Variants in MED26 observed in about 807,000 individuals in gnomAD.
The protein encoded by MED26 is mediator of RNA polymerase II transcription subunit 26.
A neutral mutation model predicts 43.7 loss-of-function variants in MED26; 7 were observed. The ratio of observed to expected loss-of-function variants is 0.16; its 90% CI spans 0.09 to 0.30. The LOEUF is 0.30. MED26 is among the 10% of genes least tolerant of loss of function. MED26 has a pLI of 1.00. For synonymous variants in MED26, 375 were observed against 371.1 expected, an observed-to-expected ratio of 1.01 and a Z score of -0.12; for missense variants, 784 against 840.6, an observed-to-expected ratio of 0.93 and a Z score of 0.83.
intron 1 of MED26, among the ~76,000 whole-genome samples, chr19:16,596,224 T>A (rs1217922781): frequency 6.6e-6 from 1 of 151,994 alleles, no homozygotes; most frequent in East Asian, 1.9e-4. Flanking sequence ...AATGACCCCA[T>A]CACAAAAGGG....
intron 1 of MED26, among the ~76,000 whole-genome samples, chr19:16,605,456 C>T (rs562847251): frequency 3.6e-4 from 55 of 152,320 alleles, no homozygotes; most frequent in African/African-American, 1.3e-3. Context: ...GAATGAACAA[C>T]GCCCATGGAA....
rs374837845 is a variant in MED26, at chr19:16,614,402, G to A, written c.72+13470C>T. 5.1e-4 allele frequency among the ~76,000 whole-genome samples: 78 copies of A among 152,282 alleles called. 1 individual carries two copies. The highest frequency in any genetic ancestry group is 1.8e-3 in the African/African-American group (74 of 41,570). The stretch of plus-strand genomic sequence containing the variant: ...AAATTAGCTGGGTGTGGTAGCGTGT[G>A]TCTGTAGTCTTAGCTACTCAGAAGG... On this transcript the variant is annotated intron_variant, in intron 1 of 2. Transcript: ENST00000263390.
intron 1 of MED26, among the ~76,000 whole-genome samples, chr19:16,622,655 G>A (rs529593303): frequency 6.6e-6 from 1 of 152,294 alleles, no homozygotes; most frequent in East Asian, 1.9e-4. Context: ...TTTACTCACT[G>A]TGCCACAAAC....
At chr19:16,610,738 C>T (rs994945358) in intron 1 of MED26, 1 of 152,216 alleles carries the variant, frequency 6.6e-6, no homozygotes, top group Non-Finnish European at 1.5e-5. Context: ...CCCCTAGTCT[C>T]GCCTCCAAAT....
At position 16,575,090 on chromosome 19, in the gene MED26, C is replaced by G. The variant is rs1266784794; in HGVS notation, c.*937G>C. ...GCGTTTATGACAAATAACCATAAGGCAAACGAATCTAAAGGAATGGTTATG... is the reference window on the plus strand; with the variant it reads ...GCGTTTATGACAAATAACCATAAGGGAAACGAATCTAAAGGAATGGTTATG... On this transcript the variant is annotated 3_prime_UTR_variant, in exon 3 of 3. Coordinates refer to ENST00000263390, the MANE Select transcript of MED26 (RefSeq NM_004831.5). The G allele has an allele frequency of 6.6e-6, 1 of 152,556 alleles. No homozygotes were observed. The highest frequency in any genetic ancestry group is 2.4e-5 in the African/African-American group (1 of 41,418). The allele number at this position is 152,556 out of a possible 1,614,324, so 9.5% of individuals were successfully genotyped here.
rs1323819745 is a variant in MED26 at position 16,577,373 on chromosome 19, G to A, written c.457C>T (p.Gln153Ter). The A allele has an allele frequency of 6.2e-7, 1 of 1,610,792 alleles. No individual in the cohort carries two copies. Among genetic ancestry groups the A allele is most frequent in the East Asian group, 2.2e-5 (1 of 44,804 alleles). The change falls in exon 3 of 3, where the codon CAG becomes TAG. Residue 153 changes from glutamine (Q) to a stop codon, truncating the protein, a stop_gained. Coordinates refer to ENST00000263390, the MANE Select transcript of MED26 (RefSeq NM_004831.5). LOFTEE classifies it high-confidence loss of function. This position sits in a 1 kb window ranked among gnomAD's most constrained non-coding sequence, Gnocchi z 8.1. ...RLGSRKRRGD[Q>*]RDLGHPGPPP... is the part of the protein sequence containing the mutation. ...GGCCCTGGGTGGCCGAGGTCACGCT[G>A]GTCACCCCGGCGCTTGCGGCTGCCC... is the stretch of plus-strand genomic sequence containing the variant.
chr19:16,589,871 AG>A (rs1178975532), intron 1 of MED26, among the ~76,000 whole-genome samples: 3 of 152,222 alleles, frequency 2.0e-5, no homozygotes, highest in African/African-American at 7.2e-5. Flanking sequence ...GTTGTGGAGG[AG>A]GGGGAGGTGT....
chr19:16,622,986 C>T (rs1175189418), intron 1 of MED26, among the ~76,000 whole-genome samples: 1 of 152,172 alleles, frequency 6.6e-6, no homozygotes, highest in Non-Finnish European at 1.5e-5. Flanking sequence ...TACACAGCTG[C>T]CCAGGGGCTG....
In MED26 at chr19:16,628,131, G is replaced by A. The variant is rs1020386080; in HGVS notation, c.-188C>T. ...CGGGTCTCGGTCCCGGGCCGCCGCC[G>A]CCACCAAAGGAGGAGGAGGAGCCGC... On this transcript the variant is annotated 5_prime_UTR_variant, in exon 1 of 3. Coordinates refer to ENST00000263390, the MANE Select transcript of MED26 (RefSeq NM_004831.5). 24 of 367,904 alleles carry A rather than the reference G, an allele frequency of 6.5e-5. No individual in the cohort carries two copies. Among genetic ancestry groups the A allele is most frequent in the Non-Finnish European group, 1.1e-4 (23 of 207,916 alleles). The allele number at this position is 367,904 out of a possible 1,614,324, so 22.8% of individuals were successfully genotyped here.
intron 1 of MED26, chr19:16,624,774 G>A (rs1195287446): frequency 6.6e-6 from 1 of 152,222 alleles, no homozygotes; most frequent in Non-Finnish European, 1.5e-5. Context: ...TTGGTAAAAT[G>A]GGGCTCAAAT....
intron 1 of MED26, among the ~76,000 whole-genome samples, chr19:16,585,715 A>G (rs772244235): frequency 6.6e-6 from 1 of 152,200 alleles, no homozygotes; most frequent in Non-Finnish European, 1.5e-5. Context: ...AGTCCGGAAG[A>G]CTAGACTCTT....
intron 2 of MED26, 191 bp downstream of exon 2, chr19:16,578,144 T>TA (rs1191500778): frequency 1.6e-6 from 1 of 626,858 alleles, no homozygotes; most frequent in African/African-American, 1.9e-5. Flanking sequence ...AGGATGGGAG[T>TA]AACACCACTT....
At chr19:16,613,879 G>A (rs569811431) in intron 1 of MED26, among the ~76,000 whole-genome samples, 1 of 152,246 alleles carries the variant, frequency 6.6e-6, no homozygotes, top group African/African-American at 2.4e-5. Context: ...TAGATTCAAT[G>A]AGATCCATGC....
intron 1 of MED26, among the ~76,000 whole-genome samples, chr19:16,604,503 G>C (rs187645270): frequency 6.6e-6 from 1 of 152,314 alleles, no homozygotes; most frequent in African/African-American, 2.4e-5. Context: ...GCTCAGGAAC[G>C]CCCAGGAGTG....
At chr19:16,597,930 G>A (rs1172701051) in intron 1 of MED26, among the ~76,000 whole-genome samples, 1 of 151,600 alleles carries the variant, frequency 6.6e-6, no homozygotes, top group African/African-American at 2.4e-5. Context: ...TCATCATGTT[G>A]GCCAGGCTGG....
chr19:16,577,985 C>A lies in MED26; in HGVS notation c.148-303G>T. 1 of 473,344 alleles carries A rather than the reference C, an allele frequency of 2.1e-6. No individual in the cohort carries two copies. The highest frequency in any genetic ancestry group is 2.8e-5 in the South Asian group (1 of 35,570). The allele number at this position is 473,344 out of a possible 1,614,324, so 29.3% of individuals were successfully genotyped here. A position where few individuals can be genotyped will look rare whatever the true frequency, so the allele number is the denominator to read the frequency against. On this transcript the variant is annotated intron_variant, in intron 2 of 2. Transcript: ENST00000263390. This position sits in a 1 kb window ranked among gnomAD's most constrained non-coding sequence, Gnocchi z 8.1. Reference sequence around the variant, plus strand: ...CACTGTAAGGACACTGCCAGAGAGGCTTCCTGGGTGAGAGGGTGCTGTGGC... The same window carrying A: ...CACTGTAAGGACACTGCCAGAGAGGATTCCTGGGTGAGAGGGTGCTGTGGC...
intron 1 of MED26, among the ~76,000 whole-genome samples, chr19:16,613,081 A>G (rs1000534281): frequency 2.0e-5 from 3 of 152,162 alleles, no homozygotes; most frequent in East Asian, 3.9e-4. Flanking sequence ...CTTTAGTAGG[A>G]TAGGGACGTC....
intron 1 of MED26, among the ~76,000 whole-genome samples, chr19:16,584,333 CAAAA>C (rs920564969): frequency 7.0e-6 from 1 of 142,912 alleles, no homozygotes; most frequent in Non-Finnish European, 1.5e-5. Context: ...AAAAACAAAA[CAAAA>C]AAAAGAAAGG....
intron 1 of MED26, among the ~76,000 whole-genome samples, chr19:16,592,776 A>C (rs774626150): frequency 6.6e-6 from 1 of 152,120 alleles, no homozygotes; most frequent in Non-Finnish European, 1.5e-5. Flanking sequence ...TGCGGGCTGG[A>C]CCGATGACCA....
Sources: gnomAD v4.1 joint callset for allele counts (sites outside exome capture counted in the v4.1 genomes callset) on GRCh38, gnomAD v4.1.1 for gene constraint, Gnocchi (gnomAD v3.1) non-coding constraint, MANE v1.5 for transcripts, NCBI Gene and HGNC (gene_info 2026-07-23, HGNC 2026-07-21) for gene names.